Variants in PHACTR1 observed in about 807,000 individuals in gnomAD.
PHACTR1 encodes RPEL repeat containing 1.
In PHACTR1, 16 loss-of-function variants were observed where a neutral mutation model predicts 69.2. That is an observed-to-expected ratio of 0.23 (90% CI 0.16 to 0.35). The LOEUF (loss-of-function observed/expected upper bound fraction) is 0.35. PHACTR1 is among the 10% of genes least tolerant of loss of function. The pLI is 1.00. For missense variants in PHACTR1, 510 were observed against 734.7 expected (o/e 0.69, Z 3.54); for synonymous variants, 312 against 284.5 (o/e 1.10, Z -0.97).
intron 3 of PHACTR1, among the ~76,000 whole-genome samples, chr6:12,725,589 A>G (rs568530846): frequency 6.6e-6 from 1 of 152,348 alleles, no homozygotes; most frequent in East Asian, 1.9e-4. Flanking sequence ...TCCTCATCAA[A>G]ATAGATATAA....
intron 3 of PHACTR1, among the ~76,000 whole-genome samples, chr6:12,742,366 T>G (rs1765163609): frequency 6.6e-6 from 1 of 151,900 alleles, no homozygotes; most frequent in Non-Finnish European, 1.5e-5. Flanking sequence ...CTGATGGGAG[T>G]GTCTTTTAGC....
chr6:13,074,102 A>G (rs994391181), intron 5 of PHACTR1, among the ~76,000 whole-genome samples: 10 of 152,040 alleles, frequency 6.6e-5, no homozygotes, highest in African/African-American at 1.9e-4. Context: ...CAAACTCCTG[A>G]TCTCATGATC....
intron 4 of PHACTR1, chr6:12,958,102 G>A (rs1234262659): frequency 1.2e-6 from 1 of 864,718 alleles, no homozygotes; most frequent in Non-Finnish European, 1.4e-6. Context: ...ATTTTGTATT[G>A]GTTTTATGCT....
At chr6:13,084,792 A>G (rs1313477430) in intron 5 of PHACTR1, among the ~76,000 whole-genome samples, 3 of 152,118 alleles carry the variant, frequency 2.0e-5, no homozygotes, top group Non-Finnish European at 2.9e-5. Flanking sequence ...GAAGGTGGTG[A>G]TAGGGATTCA....
intron 7 of PHACTR1, chr6:13,196,420 C>CTTTTTTTTTTG (rs555707385): frequency 2.9e-5 from 4 of 136,600 alleles, no homozygotes; most frequent in Admixed American, 7.3e-5. Flanking sequence ...GGTTTTCTTT[C>CTTTTTTTTTTG]TTTTTTTTTT....
chr6:13,135,306 G>A (rs1821375528), intron 5 of PHACTR1, among the ~76,000 whole-genome samples: 1 of 152,188 alleles, frequency 6.6e-6, no homozygotes, highest in African/African-American at 2.4e-5. Flanking sequence ...CCACGTTTCT[G>A]GGAGGCTGGT....
chr6:13,006,622 A>G (rs1343083063), intron 4 of PHACTR1, among the ~76,000 whole-genome samples: 1 of 152,150 alleles, frequency 6.6e-6, no homozygotes, highest in Non-Finnish European at 1.5e-5. Flanking sequence ...AAATAAGGTG[A>G]TACATACACA....
At chr6:12,919,907 A>G (rs1205798576) in intron 4 of PHACTR1, among the ~76,000 whole-genome samples, 1 of 152,170 alleles carries the variant, frequency 6.6e-6, no homozygotes, top group African/African-American at 2.4e-5. Context: ...TTTTATTGTC[A>G]TAGGGGCCTA....
chr6:12,852,017 T>G (rs907506335), intron 4 of PHACTR1, among the ~76,000 whole-genome samples: 9 of 152,100 alleles, frequency 5.9e-5, no homozygotes, highest in Non-Finnish European at 1.3e-4. Flanking sequence ...GTATTTTTAG[T>G]AGAGACAGGG....
chr6:12,976,214 C>A (rs542511927), intron 4 of PHACTR1, among the ~76,000 whole-genome samples: 1 of 152,270 alleles, frequency 6.6e-6, no homozygotes, highest in Non-Finnish European at 1.5e-5. Flanking sequence ...TTTTAGATTT[C>A]TTTTCAGAGG....
chr6:12,882,325 A>G (rs1783185279), intron 4 of PHACTR1, among the ~76,000 whole-genome samples: 1 of 152,234 alleles, frequency 6.6e-6, no homozygotes, highest in Admixed American at 6.5e-5. Flanking sequence ...TAATAAGAAG[A>G]GGACTTTGCC....
chr6:12,890,349 T>C (rs1784056442), intron 4 of PHACTR1, among the ~76,000 whole-genome samples: 1 of 152,116 alleles, frequency 6.6e-6, no homozygotes, highest in South Asian at 2.1e-4. Context: ...ATGCTTTCAT[T>C]CCCTGCAGTC....
In PHACTR1 at chr6:12,816,760, A is replaced by ATG. The variant is rs556083793; in HGVS notation, c.250+66974_250+66975dup. ...TAACAAGCTAGAGGGGGTCAGAAAG[A>ATG]TGTGTTGACAAGTGTCAAAAGAATT... On this transcript the variant is annotated intron_variant, in intron 4 of 14. Transcript: ENST00000332995. 3.7e-4 allele frequency among the ~76,000 whole-genome samples: 57 copies of ATG among 152,334 alleles called. No homozygotes were observed. The South Asian group carries it at 0.012, about 31-fold the overall frequency.
At chr6:13,059,760 T>C (rs1041217879) in intron 5 of PHACTR1, among the ~76,000 whole-genome samples, 2 of 152,078 alleles carry the variant, frequency 1.3e-5, no homozygotes, top group Non-Finnish European at 2.9e-5. Context: ...AGTGACAGGT[T>C]TGGGGGTATG....
At chr6:13,251,470 T>C (rs1368398626) in intron 10 of PHACTR1, among the ~76,000 whole-genome samples, 2 of 152,156 alleles carry the variant, frequency 1.3e-5, no homozygotes, top group African/African-American at 4.8e-5. Flanking sequence ...TGCCTGCCCA[T>C]GTGCTGGGGG....
intron 3 of PHACTR1, among the ~76,000 whole-genome samples, chr6:12,746,097 T>C (rs994086063): frequency 6.6e-6 from 1 of 152,060 alleles, no homozygotes; most frequent in Non-Finnish European, 1.5e-5. Context: ...ACTGACTGTG[T>C]GGAACTGTTA....
At chr6:13,228,219 G>T (rs1314917035) in intron 9 of PHACTR1, among the ~76,000 whole-genome samples, 156 bp downstream of exon 9, 1 of 152,128 alleles carries the variant, frequency 6.6e-6, no homozygotes, top group Non-Finnish European at 1.5e-5. Flanking sequence ...ACCTGTTGGG[G>T]CCTCAGTTCC....
chr6:12,848,667 A>C (rs1779529711), intron 4 of PHACTR1, among the ~76,000 whole-genome samples: 1 of 152,196 alleles, frequency 6.6e-6, no homozygotes, highest in South Asian at 2.1e-4. Context: ...GTTACTGATC[A>C]CTTTGAAAAT....
intron 6 of PHACTR1, among the ~76,000 whole-genome samples, chr6:13,172,084 A>C (rs1054494947): frequency 1.9e-4 from 29 of 152,116 alleles, no homozygotes; most frequent in African/African-American, 5.8e-4. Context: ...GCCTTTTCTA[A>C]AATCTTGGAT....
Sources: gnomAD v4.1 joint callset for allele counts (sites outside exome capture counted in the v4.1 genomes callset) on GRCh38, gnomAD v4.1.1 for gene constraint, MANE v1.5 for transcripts, NCBI Gene and HGNC (gene_info 2026-07-23, HGNC 2026-07-21) for gene names.